SCOC: variants seen among roughly 807,000 people sequenced by gnomAD.
SCOC encodes the protein short coiled coil protein.
In SCOC, 7 loss-of-function variants were observed where a neutral mutation model predicts 9.9. The ratio of observed to expected loss-of-function variants is 0.71; its 90% confidence interval spans 0.40 to 1.33. SCOC has a LOEUF of 1.33. Ranked by LOEUF, SCOC falls within the 40% of genes most tolerant of loss-of-function variation. The pLI is 0.01. For synonymous variants in SCOC, 19 were observed against 28.2 expected (o/e 0.67, Z 1.03); for missense variants, 66 against 89.7 (o/e 0.74, Z 1.07).
rs972483810 is a variant in SCOC, at chr4:140,362,141, C to T, written c.71-16980C>T. 1.8e-4 allele frequency among the ~76,000 whole-genome samples: 19 copies of T among 105,994 alleles called. 1 individual carries two copies. The highest frequency in any genetic ancestry group is 6.8e-4 in the East Asian group (2 of 2,952). 69.5% of individuals were successfully genotyped at this position (105,994 alleles called of 152,430 possible). On this transcript the variant is annotated intron_variant, in intron 2 of 4. Coordinates refer to the SCOC transcript ENST00000338517. ...CTTCACTGAAGAAGGAAAGAGAGAG[C>T]CTGGCCATATCTTTGCTTCACACTG... is the stretch of plus-strand genomic sequence containing the variant.
intron 1 of SCOC, among the ~76,000 whole-genome samples, chr4:140,301,313 T>C (rs1300882277): frequency 6.6e-6 from 1 of 152,236 alleles, no homozygotes; most frequent in African/African-American, 2.4e-5. Flanking sequence ...AAACATGATC[T>C]GTCTTCAACT....
intron 1 of SCOC, among the ~76,000 whole-genome samples, chr4:140,260,182 C>T (rs2126385349): frequency 6.6e-6 from 1 of 152,290 alleles, no homozygotes; most frequent in South Asian, 2.1e-4. Context: ...TGGTGAACTC[C>T]TCACAGATCT....
chr4:140,367,673 C>T (rs1220534113), intron 2 of SCOC, among the ~76,000 whole-genome samples: 5 of 152,164 alleles, frequency 3.3e-5, no homozygotes, highest in African/African-American at 9.7e-5. Context: ...CCACTGTGCC[C>T]AGTCTAAAGC....
chr4:140,284,575 A>G (rs1731175989), intron 1 of SCOC: 1 of 152,210 alleles, frequency 6.6e-6, no homozygotes, highest in Non-Finnish European at 1.5e-5. Context: ...TAGCTTTGGC[A>G]ATGTTCTGAT....
chr4:140,323,996 T>C (rs930442087), intron 1 of SCOC, among the ~76,000 whole-genome samples: 1 of 152,012 alleles, frequency 6.6e-6, no homozygotes, highest in Admixed American at 6.6e-5. Context: ...AATCAAACAT[T>C]GCAATATATT....
At chr4:140,308,723 TC>T (rs1247380709) in intron 1 of SCOC, among the ~76,000 whole-genome samples, 1 of 152,224 alleles carries the variant, frequency 6.6e-6, no homozygotes, top group Non-Finnish European at 1.5e-5. Context: ...TTTCAGTGGC[TC>T]TGAGAAGTGT....
chr4:140,370,141 A>G (rs2126578298), upstream of SCOC, among the ~76,000 whole-genome samples: 1 of 152,228 alleles, frequency 6.6e-6, no homozygotes, highest in African/African-American at 2.4e-5. Context: ...TTAGAAGTAC[A>G]TAGTTTGATT....
chr4:140,378,689 T>C (rs1369424236), intron 1 of SCOC, among the ~76,000 whole-genome samples: 1 of 152,194 alleles, frequency 6.6e-6, no homozygotes, highest in Non-Finnish European at 1.5e-5. Context: ...GTGATTTTTA[T>C]GTATATAACT....
Position 140,382,217 on chromosome 4 carries a change from C to G in SCOC, c.*1113C>G, listed in dbSNP as rs933194343. On this transcript the variant is annotated 3_prime_UTR_variant, in exon 4 of 4. Coordinates refer to ENST00000608372, the MANE Select transcript of SCOC (RefSeq NM_001153484.2). Reference sequence around the variant, plus strand: ...ACTTGTTCTAGAATTTTCTGTAAACCCTGCTACTGGGTTTGAAGAGTTTTA... The same window carrying G: ...ACTTGTTCTAGAATTTTCTGTAAACGCTGCTACTGGGTTTGAAGAGTTTTA... 4 of 152,184 alleles carry G rather than the reference C, an allele frequency of 2.6e-5. No homozygotes were observed. Among genetic ancestry groups the G allele is most frequent in the South Asian group, 2.1e-4 (1 of 4,830 alleles). 9.4% of individuals were successfully genotyped at this position (152,184 alleles called of 1,614,324 possible). A position where few individuals can be genotyped will look rare whatever the true frequency, so the allele number is the denominator to read the frequency against.
chr4:140,278,499 CTG>C (rs1467835785), intron 1 of SCOC, among the ~76,000 whole-genome samples: 1 of 152,116 alleles, frequency 6.6e-6, no homozygotes, highest in African/African-American at 2.4e-5. Context: ...TGGGGTTTCA[CTG>C]TGTTAGCCAG....
chr4:140,378,724 T>C (rs1443616413), intron 1 of SCOC, among the ~76,000 whole-genome samples: 1 of 152,192 alleles, frequency 6.6e-6, no homozygotes, highest in Non-Finnish European at 1.5e-5. Context: ...GTCCTTAGCC[T>C]AAATTTCCAA....
chr4:140,380,776 G>T (rs1256061621), intron 3 of SCOC, among the ~76,000 whole-genome samples, 186 bp from the exon 4 acceptor site: 1 of 152,148 alleles, frequency 6.6e-6, no homozygotes. Context: ...AGTCTAATGT[G>T]AAATATCTTT....
chr4:140,328,771 G>A (rs543404294), intron 1 of SCOC, among the ~76,000 whole-genome samples: 15 of 152,110 alleles, frequency 9.9e-5, no homozygotes, highest in Non-Finnish European at 1.8e-4. Flanking sequence ...TCTGACACAT[G>A]TCTACAAGAC....
In SCOC at chr4:140,278,245, C is replaced by A. The variant is rs189453780; in HGVS notation, c.-19+20835C>A. 1.8e-4 allele frequency among the ~76,000 whole-genome samples: 28 copies of A among 151,994 alleles called. No individual in the cohort carries two copies. The East Asian group carries it at 5.4e-3, about 29-fold the overall frequency. ...CTTACACTCCTCTTCCAAGATGATG[C>A]CTTCTTGCTGTGTCCTCTCACAGTG... is the stretch of plus-strand genomic sequence containing the variant. On this transcript the variant is annotated intron_variant, in intron 1 of 4. Transcript: ENST00000394205.
chr4:140,295,365 C>T (rs543011790), intron 1 of SCOC, among the ~76,000 whole-genome samples: 2 of 152,256 alleles, frequency 1.3e-5, no homozygotes, highest in African/African-American at 2.4e-5. Context: ...ATCAGCACAC[C>T]CCACCACTCC....
intron 1 of SCOC, among the ~76,000 whole-genome samples, chr4:140,260,665 G>A (rs1395985967): frequency 1.3e-5 from 2 of 152,162 alleles, no homozygotes; most frequent in Non-Finnish European, 2.9e-5. Context: ...CTTCTACAGT[G>A]TATGTTTAAA....
chr4:140,314,001 C>T (rs1164883754), intron 1 of SCOC, among the ~76,000 whole-genome samples: 1 of 151,630 alleles, frequency 6.6e-6, no homozygotes, highest in African/African-American at 2.4e-5. Flanking sequence ...TGGTGGCACT[C>T]GCCTGTAGTC....
At chr4:140,326,062 C>T (rs780496369) in intron 1 of SCOC, among the ~76,000 whole-genome samples, 6 of 151,990 alleles carry the variant, frequency 3.9e-5, no homozygotes, top group Non-Finnish European at 8.8e-5. Context: ...GTAAGTGAAA[C>T]AAGCCAGACC....
intron 1 of SCOC, among the ~76,000 whole-genome samples, chr4:140,327,544 A>G (rs2126490166): frequency 6.6e-6 from 1 of 152,330 alleles, no homozygotes; most frequent in East Asian, 1.9e-4. Context: ...ACATGGCTGT[A>G]GTCCTAGCTA....
Sources: gnomAD v4.1 joint callset for allele counts (sites outside exome capture counted in the v4.1 genomes callset) on GRCh38, gnomAD v4.1.1 for gene constraint, MANE v1.5 for transcripts, NCBI Gene and HGNC (gene_info 2026-07-23, HGNC 2026-07-21) for gene names.